LRRC63: variants seen among roughly 807,000 people sequenced by gnomAD.
The protein encoded by LRRC63 is leucine-rich repeat-containing protein 63.
In LRRC63, 40 loss-of-function variants were observed where a neutral mutation model predicts 49.5. The observed-to-expected ratio is 0.81, with a 90% CI of 0.63 to 1.05. LRRC63 has a LOEUF of 1.05. LRRC63 is among the 50% of genes least tolerant of loss of function. LRRC63 has a pLI of 0.00. For synonymous variants in LRRC63, 191 were observed against 221.1 expected, an observed-to-expected ratio of 0.86 and a Z score of 1.21; for missense variants, 636 against 663.1, an observed-to-expected ratio of 0.96 and a Z score of 0.45.
At chr13:46,250,611 C>G in intron 7 of LRRC63, 120 bp downstream of exon 7, 1 of 769,998 alleles carries the variant, frequency 1.3e-6, no homozygotes, top group Non-Finnish European at 2.0e-6. Context: ...GTATTCTATT[C>G]TAATTAGCTA....
chr13:46,234,360 T>A lies in LRRC63; in HGVS notation c.990+11T>A. 1 of 1,548,220 alleles carries A rather than the reference T, an allele frequency of 6.5e-7. No individual in the cohort carries two copies. The highest frequency in any genetic ancestry group is 8.7e-7 in the Non-Finnish European group (1 of 1,145,532). On this transcript the variant is annotated intron_variant, in intron 5 of 9. Coordinates refer to ENST00000595396, the Ensembl canonical transcript of LRRC63. ...GCACTTAATCTGAAGGTATGCTAGA[T>A]CTTTTTAATGACAGTGCCCTCCTGT...
chr13:46,256,386 G>A (rs2138554959), intron 7 of LRRC63, among the ~76,000 whole-genome samples: 1 of 152,306 alleles, frequency 6.6e-6, no homozygotes. Context: ...ATGAAACCAG[G>A]AGCACCGAAG....
intron 9 of LRRC63, among the ~76,000 whole-genome samples, chr13:46,269,500 A>G (rs1215013327): frequency 2.0e-5 from 3 of 151,048 alleles, no homozygotes; most frequent in Non-Finnish European, 4.4e-5. Flanking sequence ...CCAGCTATAT[A>G]TATGTCACCA....
intron 9 of LRRC63, among the ~76,000 whole-genome samples, chr13:46,268,258 T>C (rs2047708320): frequency 6.6e-6 from 1 of 152,002 alleles, no homozygotes; most frequent in Non-Finnish European, 1.5e-5. Flanking sequence ...TATACACACC[T>C]GAAGAGAGAT....
At chr13:46,273,154 A>G (rs1453457146) in intron 9 of LRRC63, among the ~76,000 whole-genome samples, 1 of 152,232 alleles carries the variant, frequency 6.6e-6, no homozygotes, top group Non-Finnish European at 1.5e-5. Context: ...GGAAAGATTC[A>G]GGGATGAAAT....
At chr13:46,222,040 A>G (rs908787909) in intron 2 of LRRC63, among the ~76,000 whole-genome samples, 1 of 152,182 alleles carries the variant, frequency 6.6e-6, no homozygotes, top group Non-Finnish European at 1.5e-5. Flanking sequence ...TCTTTTTAAT[A>G]ACAGCCATTC....
chr13:46,224,386 C>T (rs1361828749), intron 2 of LRRC63, among the ~76,000 whole-genome samples: 3 of 151,976 alleles, frequency 2.0e-5, no homozygotes, highest in Non-Finnish European at 4.4e-5. Flanking sequence ...TCAATTAATT[C>T]TTCAGCTCCA....
At chr13:46,242,454 C>T (rs2047091267) in intron 5 of LRRC63, among the ~76,000 whole-genome samples, 1 of 151,866 alleles carries the variant, frequency 6.6e-6, no homozygotes, top group Non-Finnish European at 1.5e-5. Flanking sequence ...CATGTGTATC[C>T]CTGAACTTAA....
In LRRC63 at chr13:46,261,235, C is replaced by T. The variant is rs539503841; in HGVS notation, c.1227-674C>T. Among the ~76,000 whole-genome samples the T allele has an allele frequency of 5.9e-4, 90 of 152,338 alleles. 1 individual carries two copies. Among genetic ancestry groups the T allele is most frequent in the African/African-American group, 2.0e-3 (82 of 41,566 alleles). The stretch of plus-strand genomic sequence containing the variant: ...AATGCAATTGTAGTGGGTTGAATAG[C>T]ATCCCTCGGAAATTCATGTCCTTAT... On this transcript the variant is annotated intron_variant, in intron 7 of 9. Transcript: ENST00000595396.
chr13:46,229,488 TG>T (rs779962098), intron 4 of LRRC63, among the ~76,000 whole-genome samples: 14 of 152,076 alleles, frequency 9.2e-5, no homozygotes, highest in Non-Finnish European at 1.0e-4. Flanking sequence ...GTTTGTGGTG[TG>T]GGAGAATGGA....
intron 5 of LRRC63, among the ~76,000 whole-genome samples, chr13:46,243,058 A>C (rs1428664576): frequency 6.6e-6 from 1 of 152,240 alleles, no homozygotes; most frequent in Non-Finnish European, 1.5e-5. Flanking sequence ...AACCACTTAC[A>C]TCTTAAATAT....
At chr13:46,245,177 A>G (rs763467640) in intron 5 of LRRC63, among the ~76,000 whole-genome samples, 1 of 152,212 alleles carries the variant, frequency 6.6e-6, no homozygotes, top group Non-Finnish European at 1.5e-5. Flanking sequence ...TATAGATATA[A>G]TTAGAATGCC....
intron 7 of LRRC63, among the ~76,000 whole-genome samples, chr13:46,253,778 T>G (rs1317168071): frequency 2.0e-5 from 3 of 152,122 alleles, no homozygotes; most frequent in African/African-American, 7.2e-5. Context: ...CCATTGCTTG[T>G]TTTTAAGCAC....
intron 7 of LRRC63, among the ~76,000 whole-genome samples, chr13:46,255,645 A>AATATATATATACATATATATATATATAT (rs2047490908): frequency 7.7e-6 from 1 of 129,468 alleles, no homozygotes; most frequent in Admixed American, 8.3e-5. Context: ...CCCTGCCTCA[A>AATATATATATACATATATATATATATAT]ATATATATAT....
At chr13:46,258,641 C>T (rs2047562580) in intron 7 of LRRC63, among the ~76,000 whole-genome samples, 1 of 150,054 alleles carries the variant, frequency 6.7e-6, no homozygotes, top group Non-Finnish European at 1.5e-5. Context: ...AACCCCATCT[C>T]TACTAAAAAT....
intron 7 of LRRC63, among the ~76,000 whole-genome samples, chr13:46,255,349 A>T (rs951567292): frequency 1.3e-5 from 2 of 152,066 alleles, no homozygotes; most frequent in Admixed American, 6.6e-5. Context: ...GGAAATACAT[A>T]TAGTGCTGGT....
At chr13:46,246,138 G>A (rs1350599084) in intron 5 of LRRC63, among the ~76,000 whole-genome samples, 1 of 152,146 alleles carries the variant, frequency 6.6e-6, no homozygotes, top group Non-Finnish European at 1.5e-5. Flanking sequence ...ATGTAAGACC[G>A]CTTCCCCCTT....
Position 46,221,546 on chromosome 13 carries a change from G to A in LRRC63, c.86-5966G>A, listed in dbSNP as rs562386194. The stretch of plus-strand genomic sequence containing the variant: ...GGAAATTAACTCTGAAGACTAGGAC[G>A]ATGGCAGTGATAATCAGGGGAAAAA... On this transcript the variant is annotated intron_variant, in intron 2 of 9. Transcript: ENST00000595396. Among the ~76,000 whole-genome samples the A allele has an allele frequency of 7.9e-5, 12 of 152,308 alleles. No individual in the cohort carries two copies. In the East Asian group the frequency reaches 9.6e-4, roughly 12 times the overall value.
chr13:46,276,433 T>C (rs2047838167), intron 9 of LRRC63, among the ~76,000 whole-genome samples, 157 bp from the exon 10 acceptor site: 1 of 152,180 alleles, frequency 6.6e-6, no homozygotes, highest in African/African-American at 2.4e-5. Context: ...TGTTCAGCTT[T>C]TTTAGCGTTT....
Sources: allele counts gnomAD v4.1 joint callset (sites outside exome capture counted in the v4.1 genomes callset), GRCh38; gene constraint gnomAD v4.1.1; transcripts MANE v1.5; gene names NCBI Gene and HGNC (gene_info 2026-07-23, HGNC 2026-07-21).